The following SIPA1L3 variants were observed in gnomAD, a reference collection of about 807,000 sequenced individuals.
SIPA1L3 encodes signal-induced proliferation-associated 1-like protein 3.
In SIPA1L3, 59 loss-of-function variants were observed where a neutral mutation model predicts 150.1. The observed-to-expected ratio is 0.39, with a 90% CI of 0.32 to 0.49. SIPA1L3 has a LOEUF of 0.49. SIPA1L3 is among the 20% of genes least tolerant of loss of function. The pLI is 0.86. For synonymous variants in SIPA1L3, 1,070 were observed against 1,077.6 expected (o/e 0.99, Z 0.14); for missense variants, 2,211 against 2,489.5 (o/e 0.89, Z 2.38).
At chr19:38,172,487 G>A (rs1972350120) in intron 15 of SIPA1L3, among the ~76,000 whole-genome samples, 1 of 152,196 alleles carries the variant, frequency 6.6e-6, no homozygotes, top group Non-Finnish European at 1.5e-5. Context: ...TAAGTGCTGG[G>A]GAGGAAAGGC....
intron 1 of SIPA1L3, among the ~76,000 whole-genome samples, chr19:37,958,715 T>C (rs1196277347): frequency 6.6e-6 from 1 of 152,114 alleles, no homozygotes; most frequent in East Asian, 1.9e-4. Flanking sequence ...TTTAAAACTT[T>C]TGTGATGCAA....
intron 1 of SIPA1L3, among the ~76,000 whole-genome samples, chr19:37,929,558 G>A (rs1030933341): frequency 1.3e-5 from 2 of 152,234 alleles, no homozygotes; most frequent in South Asian, 4.1e-4. Flanking sequence ...ACTTGAGTTG[G>A]GTGATGAGGC....
chr19:38,194,524 C>T (rs573838681), intron 18 of SIPA1L3, among the ~76,000 whole-genome samples: 16 of 152,310 alleles, frequency 1.1e-4, no homozygotes, highest in African/African-American at 3.6e-4. Context: ...CGTGCCACTG[C>T]GCGTGGGGTG....
chr19:37,930,835 C>T (rs370344715), intron 1 of SIPA1L3, among the ~76,000 whole-genome samples: 1 of 151,848 alleles, frequency 6.6e-6, no homozygotes, highest in African/African-American at 2.4e-5. Flanking sequence ...CCCCTCCCCC[C>T]CAACCCCCAA....
At chr19:38,162,736 C>T (rs75208429) in intron 14 of SIPA1L3, among the ~76,000 whole-genome samples, 2,331 of 152,324 alleles carry the variant, frequency 0.015, 25 homozygotes, top group South Asian at 0.043. Flanking sequence ...CCGCCATTCA[C>T]GTGGTGATTC....
At chr19:38,006,952 G>A (rs914001902) in intron 1 of SIPA1L3, among the ~76,000 whole-genome samples, 11 of 152,212 alleles carry the variant, frequency 7.2e-5, no homozygotes, top group Admixed American at 2.0e-4. Context: ...TCTGTGCAGC[G>A]GAATACCATG....
intron 2 of SIPA1L3, among the ~76,000 whole-genome samples, chr19:38,031,486 T>C (rs1308808375): frequency 6.6e-6 from 1 of 152,182 alleles, no homozygotes; most frequent in African/African-American, 2.4e-5. Context: ...TTTTGTTGGG[T>C]GTTTCAACTT....
At position 37,971,863 on chromosome 19, in the gene SIPA1L3, G is replaced by A. The variant is rs554407089; in HGVS notation, c.-378-57226G>A. 3.4e-4 allele frequency among the ~76,000 whole-genome samples: 51 copies of A among 152,010 alleles called. No individual in the cohort carries two copies. The South Asian group carries it at 4.2e-3, about 12-fold the overall frequency. On this transcript the variant is annotated intron_variant, in intron 1 of 21. Transcript: ENST00000222345. ...ATTACAGGTGTGAGCCATCACGCCC[G>A]GCCTGAGTGTCATGTTTTTAAGGTT...
intron 2 of SIPA1L3, among the ~76,000 whole-genome samples, chr19:38,074,226 A>G (rs542281106): frequency 6.6e-6 from 1 of 152,224 alleles, no homozygotes; most frequent in Non-Finnish European, 1.5e-5. Flanking sequence ...TGCAGCTGCT[A>G]GGAGAAGGGA....
At chr19:38,130,459 A>C in intron 9 of SIPA1L3, 39 bp from the exon 10 acceptor site, 1 of 1,582,126 alleles carries the variant, frequency 6.3e-7, no homozygotes, top group Non-Finnish European at 8.6e-7. Context: ...GAGCTGACCC[A>C]AGCAGCTTCT....
chr19:38,128,086 G>T (rs995148195), intron 9 of SIPA1L3, among the ~76,000 whole-genome samples: 2 of 112,600 alleles, frequency 1.8e-5, no homozygotes, highest in Non-Finnish European at 1.7e-5. Context: ...AGACAGTCTC[G>T]CTCTGTCGCC....
intron 7 of SIPA1L3, chr19:38,108,436 T>C (rs1970668161): frequency 1.3e-5 from 2 of 152,172 alleles, no homozygotes; most frequent in South Asian, 4.1e-4. Flanking sequence ...TTCATTGAGA[T>C]GATGAATTGA....
rs141435026 is a variant in SIPA1L3 at position 38,130,671 on chromosome 19, C to T, written c.3042C>T (p.Ala1014=). ...GSRLVEICKV[A]VVTLTHDQMI... ...GACTAGTGGAGATCTGCAAGGTGGC[C>T]GTGGTCACACTGACCCACGACCAGA... Residue 1014 remains alanine, a synonymous_variant, in exon 10 of 22, where the codon GCC becomes GCT. Coordinates refer to ENST00000222345, the MANE Select transcript of SIPA1L3 (RefSeq NM_015073.3). The T allele has an allele frequency of 6.2e-6, 10 of 1,613,870 alleles. No individual in the cohort carries two copies. Among genetic ancestry groups the T allele is most frequent in the African/African-American group, 4.0e-5 (3 of 74,954 alleles).
At chr19:38,163,216 G>A (rs1008866563) in intron 14 of SIPA1L3, among the ~76,000 whole-genome samples, 7 of 152,280 alleles carry the variant, frequency 4.6e-5, no homozygotes, top group East Asian at 1.9e-4. Context: ...CGGGCTGGGC[G>A]CGGTGGCTCA....
chr19:38,038,625 T>C (rs996362966), intron 2 of SIPA1L3, among the ~76,000 whole-genome samples: 1 of 149,336 alleles, frequency 6.7e-6, no homozygotes, highest in Admixed American at 6.7e-5. Flanking sequence ...CATGTTACAG[T>C]CTGAGAAATC....
At chr19:38,101,001 T>C in intron 5 of SIPA1L3, 51 bp from the exon 6 acceptor site, 1 of 1,494,070 alleles carries the variant, frequency 6.7e-7, no homozygotes, top group Non-Finnish European at 8.9e-7. Flanking sequence ...CTCCCTTCCC[T>C]CTGCCATCTC....
intron 7 of SIPA1L3, among the ~76,000 whole-genome samples, chr19:38,107,531 A>T (rs1409909747): frequency 3.3e-5 from 5 of 152,264 alleles, no homozygotes; most frequent in Non-Finnish European, 7.3e-5. Flanking sequence ...CCACAGAGCA[A>T]TTCTTCCAGT....
intron 1 of SIPA1L3, among the ~76,000 whole-genome samples, chr19:37,921,112 C>T (rs2046454025): frequency 6.6e-6 from 1 of 152,152 alleles, no homozygotes; most frequent in African/African-American, 2.4e-5. Context: ...AGGAAACGTG[C>T]CCCTTTCCAG....
chr19:38,134,979 C>T (rs576292716), intron 10 of SIPA1L3, among the ~76,000 whole-genome samples: 1 of 152,266 alleles, frequency 6.6e-6, no homozygotes, highest in East Asian at 1.9e-4. Context: ...CACATATGAC[C>T]TTGCTGGGCT....
Sources: allele counts gnomAD v4.1 joint callset (sites outside exome capture counted in the v4.1 genomes callset), GRCh38; gene constraint gnomAD v4.1.1; transcripts MANE v1.5; gene names NCBI Gene and HGNC (gene_info 2026-07-23, HGNC 2026-07-21).